The following ASXL2 variants were observed in gnomAD, a reference collection of about 807,000 sequenced individuals.
ASXL2 encodes the protein ASXL transcriptional regulator 2, also known as putative Polycomb group protein ASXL2.
A neutral mutation model predicts 122.0 loss-of-function variants in ASXL2; 23 were observed. The ratio of observed to expected loss-of-function variants is 0.19; its 90% confidence interval spans 0.14 to 0.27. The LOEUF (loss-of-function observed/expected upper bound fraction) is 0.27. Ranked by LOEUF, ASXL2 falls within the 10% of genes least tolerant of loss-of-function variation. The pLI is 1.00. For synonymous variants in ASXL2, 650 were observed against 637.0 expected, an observed-to-expected ratio of 1.02 and a Z score of -0.31; for missense variants, 1,518 against 1,713.8, an observed-to-expected ratio of 0.89 and a Z score of 2.02.
At chr2:25,788,534 A>C (rs1430562028) in intron 5 of ASXL2, among the ~76,000 whole-genome samples, 1 of 152,186 alleles carries the variant, frequency 6.6e-6, no homozygotes, top group Non-Finnish European at 1.5e-5. Context: ...TAGTTGTACT[A>C]GTTGTACTAG....
chr2:25,771,374 C>T, intron 6 of ASXL2, 66 bp downstream of exon 6: 1 of 1,436,592 alleles, frequency 7.0e-7, no homozygotes, highest in Non-Finnish European at 9.5e-7. Context: ...TATCCGATGA[C>T]TGCCAGAGGT....
Position 25,744,805 on chromosome 2 carries a change from T to A in ASXL2, c.1861-329A>T, listed in dbSNP as rs2087912575. ...TACAAAGTTTTCTATGGTATTTGCA[T>A]TTTTAAAAAGTGTATTTATGTTTGA... On this transcript the variant is annotated intron_variant, in intron 12 of 12. Transcript: ENST00000435504. This position sits in a 1 kb window ranked among gnomAD's most constrained non-coding sequence, Gnocchi z 4.7. Among the ~76,000 whole-genome samples the A allele has an allele frequency of 6.6e-6, 1 of 152,194 alleles. No individual in the cohort carries two copies. The highest frequency in any genetic ancestry group is 1.5e-5 in the Non-Finnish European group (1 of 68,036).
At chr2:25,842,692 G>GTATA (rs769594746) in intron 2 of ASXL2, among the ~76,000 whole-genome samples, 233 of 129,644 alleles carry the variant, frequency 1.8e-3, no homozygotes, top group South Asian at 4.5e-3. Context: ...TCAAGTGTGT[G>GTATA]TATATATATA....
intron 8 of ASXL2, among the ~76,000 whole-genome samples, chr2:25,766,196 A>C (rs1424115951): frequency 6.6e-6 from 1 of 151,620 alleles, no homozygotes; most frequent in Admixed American, 6.6e-5. Flanking sequence ...TTCTTTCTGG[A>C]GGCTTTTTGT....
chr2:25,787,894 G>C (rs576514752), intron 5 of ASXL2, among the ~76,000 whole-genome samples: 19 of 152,298 alleles, frequency 1.2e-4, no homozygotes, highest in African/African-American at 4.6e-4. Flanking sequence ...AAATTTACAT[G>C]AAGATGAGAT....
At chr2:25,855,846 A>G (rs1195514228) in intron 1 of ASXL2, among the ~76,000 whole-genome samples, 1 of 151,216 alleles carries the variant, frequency 6.6e-6, no homozygotes, top group Non-Finnish European at 1.5e-5. Context: ...AAAAAAAAAA[A>G]AAAGAGAGAG....
intron 1 of ASXL2, among the ~76,000 whole-genome samples, chr2:25,849,951 C>T (rs575499290): frequency 1.3e-5 from 2 of 152,266 alleles, no homozygotes; most frequent in South Asian, 4.1e-4. Context: ...AAATATTACA[C>T]TTTTAAAACT....
intron 3 of ASXL2, among the ~76,000 whole-genome samples, chr2:25,818,971 G>A (rs557828848): frequency 2.0e-5 from 3 of 152,248 alleles, no homozygotes; most frequent in Admixed American, 1.3e-4. Flanking sequence ...CAGTGTCCTC[G>A]CTTGATGACT....
At chr2:25,810,264 A>C (rs2089148302) in intron 3 of ASXL2, 1 of 628,268 alleles carries the variant, frequency 1.6e-6, no homozygotes, top group South Asian at 1.4e-5. Context: ...TCTTTCAATG[A>C]CCACCAACTT....
At chr2:25,786,243 C>CTTTTTTTTTTTTTTTTTTTTTTTTTT (rs370316025) in intron 5 of ASXL2, among the ~76,000 whole-genome samples, 3 of 112,406 alleles carry the variant, frequency 2.7e-5, no homozygotes, top group African/African-American at 7.6e-5. Flanking sequence ...CCACATCATT[C>CTTTTTTTTTTTTTTTTTTTTTTTTTT]TTTTTTTTTT....
intron 6 of ASXL2, among the ~76,000 whole-genome samples, chr2:25,770,139 C>T (rs776863923): frequency 3.9e-5 from 6 of 152,206 alleles, no homozygotes; most frequent in African/African-American, 9.7e-5. Flanking sequence ...TTCAGGTTAA[C>T]GTAAAATTTA....
chr2:25,821,150 G>A (rs959201810), intron 3 of ASXL2, among the ~76,000 whole-genome samples: 5 of 152,120 alleles, frequency 3.3e-5, no homozygotes, highest in Admixed American at 6.5e-5. Flanking sequence ...CTGCACTCCA[G>A]TCTGGGCAAC....
chr2:25,795,552 C>T (rs2149169357), intron 5 of ASXL2, among the ~76,000 whole-genome samples: 1 of 152,248 alleles, frequency 6.6e-6, no homozygotes, highest in Non-Finnish European at 1.5e-5. Context: ...ATTCAAAGAG[C>T]AGCATATGTG....
At chr2:25,763,341 T>C (rs1312906798) in intron 8 of ASXL2, among the ~76,000 whole-genome samples, 1 of 151,912 alleles carries the variant, frequency 6.6e-6, no homozygotes, top group East Asian at 1.9e-4. Context: ...AATACAAAAA[T>C]TAGCCAGGAG....
chr2:25,768,764 A>T lies in ASXL2; in HGVS notation c.609T>A (p.Ser203Arg). Residue 203 changes from serine (S) to arginine (R), a missense_variant, in exon 7 of 13, where the codon AGT becomes AGA. Transcript: ENST00000435504. ...TACCAGGTTTGGCAGGTACAGAGTCACTGGCTGCTTTGACAGTCTTTAGTG... is the reference window on the plus strand; with the variant it reads ...TACCAGGTTTGGCAGGTACAGAGTCTCTGGCTGCTTTGACAGTCTTTAGTG... ...HLSLKTVKAA[S>R]DSVPAKPATW... 1 of 1,613,832 alleles carries T rather than the reference A, an allele frequency of 6.2e-7. No homozygotes were observed. The highest frequency in any genetic ancestry group is 1.1e-5 in the South Asian group (1 of 91,062).
intron 12 of ASXL2, 27 bp downstream of exon 12, chr2:25,749,669 C>T (rs1383536593): frequency 6.8e-7 from 1 of 1,481,106 alleles, no homozygotes. Flanking sequence ...ACGATCTCTG[C>T]TTTTCTAATT....
chr2:25,745,503 G>A (rs1194564860), intron 12 of ASXL2, among the ~76,000 whole-genome samples: 1 of 126,872 alleles, frequency 7.9e-6, no homozygotes, highest in African/African-American at 3.0e-5. Context: ...ATGAGCCACA[G>A]CACCCAGCCT....
In ASXL2 at chr2:25,863,329, CA is replaced by C. The variant is rs113911503; in HGVS notation, c.57+14836del. Among the ~76,000 whole-genome samples the C allele has an allele frequency of 5.1e-3, 633 of 123,864 alleles. 2 individuals carry two copies. The highest frequency in any genetic ancestry group is 9.3e-3 in the Middle Eastern group (2 of 216). 81.3% of individuals were successfully genotyped at this position (123,864 alleles called of 152,430 possible). ...TGGCAACAGAGCGAGACTCCATCTC[CA>C]AAAAAAAAAAAAAATTCTCACAGCA... On this transcript the variant is annotated intron_variant, in intron 1 of 12. Coordinates refer to ENST00000435504, the MANE Select transcript of ASXL2 (RefSeq NM_018263.6).
At position 25,737,546 on chromosome 2, in the gene ASXL2, A is replaced by G. The variant is rs888812323; in HGVS notation, c.*4483T>C. On this transcript the variant is annotated 3_prime_UTR_variant, in exon 13 of 13. Transcript: ENST00000435504. ...AAATACACTACCCTGATTTATCACC[A>G]AGTTCCTCATTTTACTCTCTTCCAT... 6.6e-6 allele frequency: 1 copy of G among 152,198 alleles called. No homozygotes were observed. Among genetic ancestry groups the G allele is most frequent in the Non-Finnish European group, 1.5e-5 (1 of 68,022 alleles). The allele number at this position is 152,198 out of a possible 1,614,324, so 9.4% of individuals were successfully genotyped here.
Sources: allele counts gnomAD v4.1 joint callset (sites outside exome capture counted in the v4.1 genomes callset), GRCh38; gene constraint gnomAD v4.1.1; non-coding constraint Gnocchi (gnomAD v3.1); transcripts MANE v1.5; gene names NCBI Gene and HGNC (gene_info 2026-07-23, HGNC 2026-07-21).